Variants in CSMD1 observed in about 807,000 individuals in gnomAD.
CSMD1 encodes the protein CUB and sushi domain-containing protein 1.
In CSMD1, 213 loss-of-function variants were observed where a neutral mutation model predicts 417.5. The observed-to-expected ratio is 0.51, with a 90% CI of 0.46 to 0.57. The LOEUF (loss-of-function observed/expected upper bound fraction) is 0.57. Ranked by LOEUF, CSMD1 falls within the 20% of genes least tolerant of loss-of-function variation. CSMD1 has a pLI of 0.00. For synonymous variants in CSMD1, 2,862 were observed against 1,736.8 expected (o/e 1.65, Z -16.11); for missense variants, 6,923 against 4,529.7 (o/e 1.53, Z -15.17).
intron 3 of CSMD1, among the ~76,000 whole-genome samples, chr8:4,184,990 T>C (rs1019770969): frequency 1.3e-5 from 2 of 151,496 alleles, no homozygotes; most frequent in East Asian, 3.9e-4. Context: ...AATACAAAAA[T>C]TAGCTGGGCC....
intron 1 of CSMD1, among the ~76,000 whole-genome samples, chr8:4,811,403 G>A (rs576429516): frequency 1.5e-4 from 23 of 152,096 alleles, no homozygotes; most frequent in African/African-American, 5.3e-4. Context: ...TTTAAGTAAT[G>A]TATTATGTTG....
chr8:4,907,774 C>G (rs1805398661), intron 1 of CSMD1, among the ~76,000 whole-genome samples: 1 of 151,532 alleles, frequency 6.6e-6, no homozygotes, highest in Non-Finnish European at 1.5e-5. Flanking sequence ...CTTTGTTTCC[C>G]AGGCTGCTCC....
intron 5 of CSMD1, among the ~76,000 whole-genome samples, chr8:3,962,067 C>G (rs572000771): frequency 4.8e-4 from 73 of 152,320 alleles, no homozygotes; most frequent in African/African-American, 1.7e-3. Context: ...CACGGACCAT[C>G]ATTCTCAGAG....
intron 3 of CSMD1, among the ~76,000 whole-genome samples, chr8:4,232,999 C>T (rs538700773): frequency 1.4e-4 from 22 of 152,114 alleles, no homozygotes; most frequent in African/African-American, 4.3e-4. Context: ...AGAGGATAGA[C>T]GTGGTGTCAT....
At chr8:4,519,899 A>G (rs1220394189) in intron 2 of CSMD1, among the ~76,000 whole-genome samples, 3 of 150,222 alleles carry the variant, frequency 2.0e-5, no homozygotes, top group Non-Finnish European at 4.4e-5. Flanking sequence ...CCAAACAGTA[A>G]TGTATTCTCT....
intron 23 of CSMD1, among the ~76,000 whole-genome samples, chr8:3,313,394 A>G (rs1392591363): frequency 6.6e-6 from 1 of 152,238 alleles, no homozygotes; most frequent in Non-Finnish European, 1.5e-5. Context: ...AATATGCACA[A>G]TCTACAATGA....
intron 3 of CSMD1, among the ~76,000 whole-genome samples, chr8:4,054,686 T>C (rs555732242): frequency 3.9e-5 from 6 of 152,264 alleles, no homozygotes; most frequent in African/African-American, 7.2e-5. Context: ...ATTAGCTGAA[T>C]ACATGTGAAT....
intron 2 of CSMD1, among the ~76,000 whole-genome samples, chr8:4,526,158 G>C (rs1796502109): frequency 6.6e-6 from 1 of 152,172 alleles, no homozygotes; most frequent in Non-Finnish European, 1.5e-5. Context: ...TGTTAAGAGA[G>C]AACCAACATT....
Position 4,472,734 on chromosome 8 carries a change from T to C in CSMD1, c.303-52669A>G, listed in dbSNP as rs74576418. Among the ~76,000 whole-genome samples, 74 of 152,144 alleles carry C rather than the reference T, an allele frequency of 4.9e-4. No individual in the cohort carries two copies. In the East Asian group the frequency reaches 0.014, roughly 29 times the overall value. ...GGTGTAAACAGCACTTTTACTTTCA[T>C]AACTGTGGACGTTCACTTCTTTTAA... On this transcript the variant is annotated intron_variant, in intron 2 of 69. Transcript: ENST00000635120.
intron 5 of CSMD1, among the ~76,000 whole-genome samples, chr8:3,881,660 C>A (rs1585133875): frequency 7.0e-6 from 1 of 143,288 alleles, no homozygotes. Flanking sequence ...AAACCAACAA[C>A]AACAAAAGAA....
At chr8:4,255,481 T>C (rs1034454227) in intron 3 of CSMD1, among the ~76,000 whole-genome samples, 12 of 152,224 alleles carry the variant, frequency 7.9e-5, no homozygotes, top group African/African-American at 2.9e-4. Context: ...ACTTGTTCAT[T>C]ATAGATCTCA....
intron 2 of CSMD1, among the ~76,000 whole-genome samples, chr8:4,600,542 G>A (rs941263703): frequency 1.3e-5 from 2 of 152,114 alleles, no homozygotes; most frequent in East Asian, 1.9e-4. Context: ...AATGAACACA[G>A]TTGATTATAA....
chr8:3,080,232 T>C (rs1813987973), intron 49 of CSMD1, among the ~76,000 whole-genome samples: 1 of 152,170 alleles, frequency 6.6e-6, no homozygotes, highest in Non-Finnish European at 1.5e-5. Flanking sequence ...TTTAACTGGA[T>C]CTTTGAGATA....
chr8:3,225,561 C>A (rs539693887), intron 27 of CSMD1, among the ~76,000 whole-genome samples: 1 of 152,014 alleles, frequency 6.6e-6, no homozygotes, highest in Non-Finnish European at 1.5e-5. Flanking sequence ...ACCTGAAGGT[C>A]TAGAAGATTC....
intron 10 of CSMD1, among the ~76,000 whole-genome samples, chr8:3,565,330 G>GCA (rs199695515): frequency 0.07 from 10,702 of 151,850 alleles, 1,232 homozygotes; most frequent in African/African-American, 0.24. Context: ...AGTGAACAGG[G>GCA]CAGTTGGTGG....
chr8:3,642,934 T>C (rs938559384), intron 7 of CSMD1, among the ~76,000 whole-genome samples: 1 of 151,538 alleles, frequency 6.6e-6, no homozygotes, highest in Non-Finnish European at 1.5e-5. Flanking sequence ...ATAAAACCAC[T>C]AATAGTTAAA....
chr8:3,367,180 A>G lies in CSMD1; in HGVS notation c.2967T>C (p.Asp989=), dbSNP rs1334797494. The G allele has an allele frequency of 6.2e-7, 1 of 1,613,676 alleles. No individual in the cohort carries two copies. The part of the protein sequence containing the change: ...SSHDYLLITE[D]GSFSEPVARL... ...TGGCAACGGGCTCGGAAAAACTTCC[A>G]TCCTCTGTGATCAGTAAATAGTCGT... The change falls in exon 20 of 70, where the codon GAT becomes GAC. Residue 989 remains aspartate (D), a synonymous_variant. Coordinates refer to ENST00000635120, the MANE Select transcript of CSMD1 (RefSeq NM_033225.6).
chr8:4,827,698 T>A (rs1308502847), intron 1 of CSMD1, among the ~76,000 whole-genome samples: 1 of 152,102 alleles, frequency 6.6e-6, no homozygotes, highest in East Asian at 1.9e-4. Context: ...ATTGAGTAGG[T>A]TTTAATTATC....
At chr8:4,420,114 CA>C (rs35020621) in intron 2 of CSMD1, 49 bp from the exon 3 acceptor site, 3 of 1,330,882 alleles carry the variant, frequency 2.3e-6, no homozygotes, top group Non-Finnish European at 3.1e-6. Context: ...ATGAATTTGT[CA>C]AAAAAAGCTT....
Sources: gnomAD v4.1 joint callset for allele counts (sites outside exome capture counted in the v4.1 genomes callset) on GRCh38, gnomAD v4.1.1 for gene constraint, MANE v1.5 for transcripts, NCBI Gene and HGNC (gene_info 2026-07-23, HGNC 2026-07-21) for gene names.